The following ZFYVE9 variants were observed in gnomAD, a reference collection of about 807,000 sequenced individuals.
ZFYVE9 encodes the protein zinc finger FYVE domain-containing protein 9.
A neutral mutation model predicts 126.7 loss-of-function variants in ZFYVE9; 43 were observed. That is an observed-to-expected ratio of 0.34 (90% CI 0.27 to 0.44). ZFYVE9 has a LOEUF of 0.44. ZFYVE9 is among the 20% of genes least tolerant of loss of function. The pLI is 1.00. For synonymous variants in ZFYVE9, 521 were observed against 597.4 expected (o/e 0.87, Z 1.87); for missense variants, 1,476 against 1,697.0 (o/e 0.87, Z 2.29).
At chr1:52,241,361 A>G (rs941312343) in intron 4 of ZFYVE9, among the ~76,000 whole-genome samples, 2 of 152,176 alleles carry the variant, frequency 1.3e-5, no homozygotes, top group Non-Finnish European at 2.9e-5. Flanking sequence ...AGAAAATAAT[A>G]TGTCTAATTC....
chr1:52,239,230 G>T lies in ZFYVE9; in HGVS notation c.1813G>T (p.Ala605Ser). ...AGACCATTTACAAAATGACTTTCCT[G>T]CAAACAGTGGAAATAATACTAAAAA... is the stretch of plus-strand genomic sequence containing the variant. ...LSDHLQNDFP[A>S]NSGNNTKNKN... is the part of the protein sequence containing the mutation. Residue 605 changes from alanine to serine, a missense_variant, in exon 4 of 19, where the codon GCA (alanine) becomes TCA (serine). Coordinates refer to ENST00000287727, the MANE Select transcript of ZFYVE9 (RefSeq NM_004799.4). 1 of 1,613,976 alleles carries T rather than the reference G, an allele frequency of 6.2e-7. No individual in the cohort carries two copies. The highest frequency in any genetic ancestry group is 8.5e-7 in the Non-Finnish European group (1 of 1,179,998).
chr1:52,266,405 T>TAAAAAAAAAAAAAAAAAAAAAAAAA (rs33996604), intron 5 of ZFYVE9, among the ~76,000 whole-genome samples: 1 of 85,628 alleles, frequency 1.2e-5, no homozygotes, highest in African/African-American at 4.8e-5. Flanking sequence ...TCTAATTCTT[T>TAAAAAAAAAAAAAAAAAAAAAAAAA]AAAAAAAAAA....
At chr1:52,174,457 G>T (rs1389993019) in intron 1 of ZFYVE9, among the ~76,000 whole-genome samples, 1 of 152,180 alleles carries the variant, frequency 6.6e-6, no homozygotes. Flanking sequence ...GTGTGGTGTG[G>T]TGCTGAGAAT....
intron 4 of ZFYVE9, among the ~76,000 whole-genome samples, chr1:52,257,211 A>G (rs958485359): frequency 2.0e-5 from 3 of 152,224 alleles, no homozygotes; most frequent in East Asian, 1.9e-4. Flanking sequence ...AAAGGTACCA[A>G]CATACATTTA....
chr1:52,280,673 A>G (rs1196163134), intron 9 of ZFYVE9, among the ~76,000 whole-genome samples: 1 of 152,176 alleles, frequency 6.6e-6, no homozygotes, highest in Non-Finnish European at 1.5e-5. Context: ...ATAGCCTTAA[A>G]GTGAAGGAGT....
At chr1:52,298,052 C>CCT (rs1645995715) in intron 12 of ZFYVE9, among the ~76,000 whole-genome samples, 2 of 152,152 alleles carry the variant, frequency 1.3e-5, no homozygotes, top group Non-Finnish European at 2.9e-5. Flanking sequence ...TGGATATTAA[C>CCT]TCCTTTTCAG....
chr1:52,345,807 A>C (rs980290411), intron 18 of ZFYVE9: 1 of 354,274 alleles, frequency 2.8e-6, no homozygotes, highest in Non-Finnish European at 5.1e-6. Context: ...ACACACCTCT[A>C]CCCTTCCCCA....
intron 4 of ZFYVE9, among the ~76,000 whole-genome samples, chr1:52,251,883 C>T (rs1645450968): frequency 6.6e-6 from 1 of 151,774 alleles, no homozygotes; most frequent in South Asian, 2.1e-4. Flanking sequence ...TAGGTTTATT[C>T]AGATTTTCTG....
intron 16 of ZFYVE9, among the ~76,000 whole-genome samples, chr1:52,338,402 A>G (rs923596748): frequency 1.4e-4 from 22 of 152,208 alleles, no homozygotes; most frequent in African/African-American, 5.1e-4. Flanking sequence ...ATTCTTTCTC[A>G]GTGTTCGGCA....
intron 13 of ZFYVE9, among the ~76,000 whole-genome samples, chr1:52,315,479 T>G (rs955746339): frequency 6.6e-6 from 1 of 152,092 alleles, no homozygotes; most frequent in Non-Finnish European, 1.5e-5. Context: ...ATTTATACCA[T>G]ATGTAGAGAC....
intron 13 of ZFYVE9, among the ~76,000 whole-genome samples, chr1:52,332,068 C>T (rs1288653926): frequency 6.6e-6 from 1 of 152,244 alleles, no homozygotes; most frequent in East Asian, 1.9e-4. Flanking sequence ...GCATGAGCCA[C>T]CGTGCCTGGC....
chr1:52,152,217 T>G (rs937115719), intron 1 of ZFYVE9, among the ~76,000 whole-genome samples: 2 of 152,136 alleles, frequency 1.3e-5, no homozygotes, highest in African/African-American at 2.4e-5. Context: ...CTCGAACTCC[T>G]GACCTCAGAT....
intron 1 of ZFYVE9, among the ~76,000 whole-genome samples, chr1:52,176,205 C>T (rs1242180782): frequency 6.6e-6 from 1 of 152,158 alleles, no homozygotes; most frequent in Non-Finnish European, 1.5e-5. Context: ...TGTTAGTTTT[C>T]CTTCTAACAG....
intron 3 of ZFYVE9, among the ~76,000 whole-genome samples, chr1:52,235,929 G>A (rs1308503958): frequency 6.6e-6 from 1 of 152,060 alleles, no homozygotes; most frequent in Non-Finnish European, 1.5e-5. Flanking sequence ...TGGAAACTGT[G>A]ACTTTAAGCA....
At chr1:52,170,547 C>G (rs1644557655) in intron 1 of ZFYVE9, among the ~76,000 whole-genome samples, 1 of 151,704 alleles carries the variant, frequency 6.6e-6, no homozygotes, top group African/African-American at 2.4e-5. Flanking sequence ...TCTTGCTTTT[C>G]TAGTTCTTTA....
chr1:52,230,513 A>G (rs1021818310), intron 2 of ZFYVE9, among the ~76,000 whole-genome samples: 5 of 150,046 alleles, frequency 3.3e-5, no homozygotes, highest in African/African-American at 9.8e-5. Flanking sequence ...CTGCACATGT[A>G]TCCTGGAACT....
At chr1:52,316,165 CAAAAA>C (rs367815611) in intron 13 of ZFYVE9, among the ~76,000 whole-genome samples, 44 of 39,216 alleles carry the variant, frequency 1.1e-3, no homozygotes, top group South Asian at 3.1e-3. Context: ...AACTCCATCT[CAAAAA>C]AAAAAAAAAA....
chr1:52,318,264 T>A (rs79359259), intron 13 of ZFYVE9, among the ~76,000 whole-genome samples: 1 of 152,232 alleles, frequency 6.6e-6, no homozygotes, highest in Non-Finnish European at 1.5e-5. Flanking sequence ...TTCCATAGTT[T>A]AGGATACAGG....
At chr1:52,183,254 AT>A (rs1426325422) in intron 1 of ZFYVE9, among the ~76,000 whole-genome samples, 1 of 151,964 alleles carries the variant, frequency 6.6e-6, no homozygotes, top group Non-Finnish European at 1.5e-5. Flanking sequence ...TGTAAAGTAG[AT>A]TGTTTCAAAA....
Sources: gnomAD v4.1 joint callset for allele counts (sites outside exome capture counted in the v4.1 genomes callset) on GRCh38, gnomAD v4.1.1 for gene constraint, MANE v1.5 for transcripts, NCBI Gene and HGNC (gene_info 2026-07-23, HGNC 2026-07-21) for gene names.